The following RAB10 variants were observed in gnomAD, a reference collection of about 807,000 sequenced individuals.
RAB10 encodes ras-related protein Rab-10.
Under a neutral mutation model 25.7 loss-of-function variants are expected in RAB10, and 5 were observed. That is an observed-to-expected ratio of 0.19 (90% CI 0.10 to 0.41). RAB10 has a LOEUF of 0.41. RAB10 is among the 10% of genes least tolerant of loss of function. The pLI is 1.00. For missense variants in RAB10, 103 were observed against 245.8 expected, an observed-to-expected ratio of 0.42 and a Z score of 3.89; for synonymous variants, 89 against 86.4, an observed-to-expected ratio of 1.03 and a Z score of -0.16.
chr2:26,104,837 A>G (rs1667434710), intron 2 of RAB10, among the ~76,000 whole-genome samples: 1 of 150,026 alleles, frequency 6.7e-6, no homozygotes, highest in Non-Finnish European at 1.5e-5. Context: ...TCCTGGGTTC[A>G]TGCCATTCTC....
intron 1 of RAB10, among the ~76,000 whole-genome samples, chr2:26,070,833 G>T (rs539127743): frequency 2.0e-5 from 3 of 152,096 alleles, no homozygotes; most frequent in African/African-American, 7.2e-5. Context: ...GTTTCTCAGT[G>T]GTTTTCAACA....
At chr2:26,051,638 C>T (rs1440395482) in intron 1 of RAB10, among the ~76,000 whole-genome samples, 2 of 151,206 alleles carry the variant, frequency 1.3e-5, no homozygotes, top group Non-Finnish European at 2.9e-5. Flanking sequence ...CCTGTAGTCC[C>T]AGCTACTCGG....
chr2:26,069,924 C>T (rs1666589146), intron 1 of RAB10, among the ~76,000 whole-genome samples: 2 of 152,112 alleles, frequency 1.3e-5, no homozygotes, highest in Admixed American at 1.3e-4. Context: ...CCAGGCTGCT[C>T]TCGAGCTCCT....
chr2:26,102,091 C>G (rs1019138369), intron 2 of RAB10: 6 of 152,392 alleles, frequency 3.9e-5, no homozygotes, highest in African/African-American at 1.4e-4. Flanking sequence ...AGTCTAGGGC[C>G]CCTAGTGCCT....
At position 26,085,767 on chromosome 2, in the gene RAB10, C is replaced by T. The variant is rs546972394; in HGVS notation, c.128-12895C>T. ...ACCCCAGCACTTTGGGAGACTGAGGCGAGTGGATCACCTGAGGTCGAGAGT... is the reference window on the plus strand; with the variant it reads ...ACCCCAGCACTTTGGGAGACTGAGGTGAGTGGATCACCTGAGGTCGAGAGT... On this transcript the variant is annotated intron_variant, in intron 1 of 5. Coordinates refer to ENST00000264710, the MANE Select transcript of RAB10 (RefSeq NM_016131.5). 2.1e-3 allele frequency among the ~76,000 whole-genome samples: 314 copies of T among 151,608 alleles called. 3 individuals are homozygous for T. The highest frequency in any genetic ancestry group is 8.0e-4 in the Non-Finnish European group (54 of 67,894).
intron 4 of RAB10, among the ~76,000 whole-genome samples, 186 bp from the exon 5 acceptor site, chr2:26,127,664 T>C (rs1447613262): frequency 6.6e-6 from 1 of 152,220 alleles, no homozygotes; most frequent in Non-Finnish European, 1.5e-5. Context: ...AATAAACTTT[T>C]GGGGTAAGGA....
rs1477908344 is a variant in RAB10, at chr2:26,135,498, T to G, written c.*477T>G. On this transcript the variant is annotated 3_prime_UTR_variant, in exon 6 of 6. Transcript: ENST00000264710. The stretch of plus-strand genomic sequence containing the variant: ...AGCCAGGAAAACACTCATTTTCGCC[T>G]TGAATATGTAAATGGGATTAATTTT... 6.5e-6 allele frequency: 1 copy of G among 152,948 alleles called. No individual in the cohort carries two copies. The highest frequency in any genetic ancestry group is 1.5e-5 in the Non-Finnish European group (1 of 68,288). The allele number at this position is 152,948 out of a possible 1,614,324, so 9.5% of individuals were successfully genotyped here.
chr2:26,125,434 CTTT>C (rs780945835), intron 3 of RAB10, among the ~76,000 whole-genome samples: 1 of 118,886 alleles, frequency 8.4e-6, no homozygotes. Flanking sequence ...CCTTTGCTTG[CTTT>C]TTTTTTTTTT....
At chr2:26,127,491 C>T (rs1305720809) in intron 4 of RAB10, among the ~76,000 whole-genome samples, 1 of 151,900 alleles carries the variant, frequency 6.6e-6, no homozygotes, top group Non-Finnish European at 1.5e-5. Context: ...GTCATTAATC[C>T]TCGGTTTTTA....
intron 1 of RAB10, among the ~76,000 whole-genome samples, chr2:26,079,823 G>T (rs1337435456): frequency 6.6e-6 from 1 of 152,030 alleles, no homozygotes; most frequent in African/African-American, 2.4e-5. Context: ...GTGCCACCAT[G>T]CCTGGCTAAA....
chr2:26,128,589 T>C (rs1158097222), intron 5 of RAB10, among the ~76,000 whole-genome samples: 1 of 136,506 alleles, frequency 7.3e-6, no homozygotes, highest in African/African-American at 2.9e-5. Flanking sequence ...GTACTTTGCA[T>C]TCTCAAAGAT....
intron 1 of RAB10, among the ~76,000 whole-genome samples, chr2:26,059,140 A>C (rs1222199147): frequency 6.6e-6 from 1 of 152,196 alleles, no homozygotes; most frequent in Non-Finnish European, 1.5e-5. Flanking sequence ...ATAAAAGTTG[A>C]TGTTGCAGTG....
chr2:26,089,684 C>A (rs1343921557), intron 1 of RAB10, among the ~76,000 whole-genome samples: 7 of 152,086 alleles, frequency 4.6e-5, no homozygotes, highest in African/African-American at 1.7e-4. Context: ...ACTCCATATT[C>A]TCTAGTCATA....
At chr2:26,111,983 G>A (rs6720314) in intron 3 of RAB10, among the ~76,000 whole-genome samples, 126,099 of 152,106 alleles carry the variant, frequency 0.83, 52,602 homozygotes, top group African/African-American at 0.93. Flanking sequence ...CATTTGCTAG[G>A]GTGAGTCATA....
chr2:26,047,653 G>T (rs1458398482), intron 1 of RAB10, among the ~76,000 whole-genome samples: 1 of 151,434 alleles, frequency 6.6e-6, no homozygotes, highest in African/African-American at 2.4e-5. Flanking sequence ...CTGACCTCAG[G>T]TGATCTGCCT....
chr2:26,062,379 C>T (rs999862066), intron 1 of RAB10, among the ~76,000 whole-genome samples: 11 of 152,082 alleles, frequency 7.2e-5, no homozygotes, highest in African/African-American at 2.7e-4. Context: ...CCCAAACAAA[C>T]ACAACTACAA....
chr2:26,127,330 C>G, intron 4 of RAB10, 97 bp downstream of exon 4: 1 of 892,760 alleles, frequency 1.1e-6, no homozygotes, highest in South Asian at 1.7e-5. Context: ...ACACACTAAG[C>G]TAATTACATA....
intron 1 of RAB10, among the ~76,000 whole-genome samples, chr2:26,083,906 A>C (rs1472363846): frequency 6.7e-6 from 1 of 150,336 alleles, no homozygotes; most frequent in Non-Finnish European, 1.5e-5. Context: ...AACAAATGAA[A>C]ATGAAATGGG....
At chr2:26,125,494 T>TCCA (rs2149289101) in intron 3 of RAB10, among the ~76,000 whole-genome samples, 1 of 150,956 alleles carries the variant, frequency 6.6e-6, no homozygotes, top group South Asian at 2.1e-4. Flanking sequence ...TTCCCCAGGC[T>TCCA]GGAGTACAGA....
Sources: allele counts gnomAD v4.1 joint callset (sites outside exome capture counted in the v4.1 genomes callset), GRCh38; gene constraint gnomAD v4.1.1; transcripts MANE v1.5; gene names NCBI Gene and HGNC (gene_info 2026-07-23, HGNC 2026-07-21).